MCC: variants seen among roughly 807,000 people sequenced by gnomAD.
MCC encodes MCC regulator of Wnt signaling pathway, also known as colorectal mutant cancer protein.
A neutral mutation model predicts 116.2 loss-of-function variants in MCC; 90 were observed. The observed-to-expected ratio is 0.77, with a 90% CI of 0.65 to 0.92. The LOEUF (loss-of-function observed/expected upper bound fraction) is 0.92, where lower values mean the gene tolerates loss of function less well. MCC is among the 40% of genes least tolerant of loss of function. The pLI is 0.00. For missense variants in MCC, 1,516 were observed against 1,312.2 expected, an observed-to-expected ratio of 1.16 and a Z score of -2.40; for synonymous variants, 578 against 510.5, an observed-to-expected ratio of 1.13 and a Z score of -1.78.
intron 11 of MCC, among the ~76,000 whole-genome samples, chr5:113,078,314 C>A (rs1754603321): frequency 6.6e-6 from 1 of 152,210 alleles, no homozygotes; most frequent in African/African-American, 2.4e-5. Context: ...ATGAGGCCAG[C>A]ATCATCCTGA....
intron 1 of MCC, among the ~76,000 whole-genome samples, chr5:113,460,758 T>C (rs996223118): frequency 1.3e-5 from 2 of 152,206 alleles, no homozygotes; most frequent in Admixed American, 1.3e-4. Context: ...TGCCTTATAT[T>C]TGGCTGCTGC....
intron 3 of MCC, among the ~76,000 whole-genome samples, chr5:113,285,066 G>A (rs80032638): frequency 6.6e-6 from 1 of 152,088 alleles, no homozygotes; most frequent in East Asian, 1.9e-4. Context: ...TTCCTTTTTA[G>A]GGGAAAATGA....
intron 1 of MCC, chr5:113,434,000 G>A (rs754146035): frequency 9.9e-6 from 16 of 1,613,894 alleles, no homozygotes; most frequent in Non-Finnish European, 1.3e-5. Flanking sequence ...TGGCCACAGA[G>A]GGAGATCCCC....
At chr5:113,147,869 C>CAAGAGA (rs1337024372) in intron 4 of MCC, among the ~76,000 whole-genome samples, 1 of 152,090 alleles carries the variant, frequency 6.6e-6, no homozygotes, top group Non-Finnish European at 1.5e-5. Flanking sequence ...TCTCAGAAAA[C>CAAGAGA]AAGAGAAAAA....
At chr5:113,064,983 C>G (rs1420799020) in intron 13 of MCC, among the ~76,000 whole-genome samples, 1 of 152,150 alleles carries the variant, frequency 6.6e-6, no homozygotes, top group Non-Finnish European at 1.5e-5. Flanking sequence ...GAGCAAGACC[C>G]TGTCTCCAAA....
At chr5:113,245,466 C>G (rs1474387586) in intron 3 of MCC, among the ~76,000 whole-genome samples, 1 of 151,754 alleles carries the variant, frequency 6.6e-6, no homozygotes, top group Non-Finnish European at 1.5e-5. Context: ...CCTAACTGGT[C>G]AGGGAAAAAG....
intron 1 of MCC, among the ~76,000 whole-genome samples, chr5:113,450,852 C>T (rs981635373): frequency 4.6e-5 from 7 of 152,070 alleles, no homozygotes; most frequent in Non-Finnish European, 1.0e-4. Flanking sequence ...AGCATTTTTA[C>T]CTTTCTATTC....
chr5:113,433,645 A>T lies in MCC; in HGVS notation c.171-48433T>A, dbSNP rs534778230. 3.5e-6 allele frequency: 5 copies of T among 1,434,378 alleles called. No homozygotes were observed. The African/African-American group carries it at 5.7e-5, about 16-fold the overall frequency. 88.9% of individuals were successfully genotyped at this position (1,434,378 alleles called of 1,614,324 possible). A position where few individuals can be genotyped will look rare whatever the true frequency, so the allele number is the denominator to read the frequency against. ...TGATGAAAATAGAGGCTCATCTGGGACTGCCTTCCTTCTCTGGCTCCACCC... is the reference window on the plus strand; with the variant it reads ...TGATGAAAATAGAGGCTCATCTGGGTCTGCCTTCCTTCTCTGGCTCCACCC... On this transcript the variant is annotated intron_variant, in intron 1 of 18. Transcript: ENST00000408903.
intron 1 of MCC, among the ~76,000 whole-genome samples, chr5:113,465,590 G>A (rs573239340): frequency 6.6e-6 from 1 of 152,070 alleles, no homozygotes; most frequent in Non-Finnish European, 1.5e-5. Flanking sequence ...AAAACAAGAC[G>A]AACATTTTAG....
chr5:113,109,775 T>A (rs888958494), intron 6 of MCC, among the ~76,000 whole-genome samples: 4 of 152,156 alleles, frequency 2.6e-5, no homozygotes, highest in African/African-American at 9.7e-5. Flanking sequence ...TTTGAAGTAT[T>A]GTAATTTAAT....
chr5:113,283,938 A>G (rs1766149853), intron 3 of MCC, among the ~76,000 whole-genome samples: 1 of 152,210 alleles, frequency 6.6e-6, no homozygotes, highest in Non-Finnish European at 1.5e-5. Flanking sequence ...ATGAAGATGA[A>G]GACCTTTATG....
Position 113,068,069 on chromosome 5 carries a change from G to T in MCC, c.2029+11C>A, listed in dbSNP as rs765104757. 2.5e-6 allele frequency: 4 copies of T among 1,610,902 alleles called. No homozygotes were observed. Among genetic ancestry groups the T allele is most frequent in the Non-Finnish European group, 3.4e-6 (4 of 1,177,052 alleles). On this transcript the variant is annotated intron_variant, in intron 13 of 18. Transcript: ENST00000408903. ...GACAAGAGGAGGAAGAGGGACTCTGGAGACACTTACCAGGGGAGGACCCCA... is the reference window on the plus strand; with the variant it reads ...GACAAGAGGAGGAAGAGGGACTCTGTAGACACTTACCAGGGGAGGACCCCA...
chr5:113,419,821 T>G (rs1458402160), intron 1 of MCC, among the ~76,000 whole-genome samples: 1 of 129,432 alleles, frequency 7.7e-6, no homozygotes, highest in Non-Finnish European at 1.5e-5. Context: ...AATTGAACAA[T>G]GAGAACACAT....
intron 1 of MCC, among the ~76,000 whole-genome samples, chr5:113,409,237 T>G (rs1275786893): frequency 6.6e-6 from 1 of 152,190 alleles, no homozygotes; most frequent in Admixed American, 6.5e-5. Context: ...TTTCGGGAAA[T>G]GTACTCTGAT....
chr5:113,267,865 C>T (rs1306749759), intron 3 of MCC, among the ~76,000 whole-genome samples: 1 of 152,142 alleles, frequency 6.6e-6, no homozygotes, highest in African/African-American at 2.4e-5. Flanking sequence ...ATATGAATTA[C>T]ATTTCAAAGC....
chr5:113,430,912 G>A (rs1431013857), intron 1 of MCC, among the ~76,000 whole-genome samples: 1 of 152,154 alleles, frequency 6.6e-6, no homozygotes, highest in Non-Finnish European at 1.5e-5. Flanking sequence ...TATGAACACT[G>A]AGAGGGGCAC....
At chr5:113,480,082 T>C (rs2150435450) in intron 1 of MCC, among the ~76,000 whole-genome samples, 1 of 152,336 alleles carries the variant, frequency 6.6e-6, no homozygotes, top group African/African-American at 2.4e-5. Flanking sequence ...CTTTTCTCTC[T>C]TGCCTCTCCA....
At chr5:113,252,521 GT>G (rs1259570801) in intron 3 of MCC, among the ~76,000 whole-genome samples, 1 of 152,160 alleles carries the variant, frequency 6.6e-6, no homozygotes, top group Non-Finnish European at 1.5e-5. Context: ...GGACAGTCTA[GT>G]TGCAGGAAAA....
chr5:113,457,718 T>A (rs558014292), intron 1 of MCC, among the ~76,000 whole-genome samples: 14 of 144,940 alleles, frequency 9.7e-5, no homozygotes, highest in African/African-American at 3.9e-4. Flanking sequence ...ATCAGCACCC[T>A]GTGTCTAGCT....
Sources: gnomAD v4.1 joint callset for allele counts (sites outside exome capture counted in the v4.1 genomes callset) on GRCh38, gnomAD v4.1.1 for gene constraint, MANE v1.5 for transcripts, NCBI Gene and HGNC (gene_info 2026-07-23, HGNC 2026-07-21) for gene names.